Variants in NCK2 observed in about 807,000 individuals in gnomAD.
NCK2 encodes the protein NCK adaptor protein 2, also known as cytoplasmic protein NCK2.
NCK2 carries 16 observed loss-of-function variants against 33.9 expected under a neutral mutation model. The observed-to-expected ratio is 0.47, with a 90% CI of 0.32 to 0.72. NCK2 has a LOEUF of 0.72. NCK2 is among the 30% of genes least tolerant of loss of function. NCK2 has a pLI of 0.03. For missense variants in NCK2, 418 were observed against 537.3 expected, an observed-to-expected ratio of 0.78 and a Z score of 2.19; for synonymous variants, 273 against 239.9, an observed-to-expected ratio of 1.14 and a Z score of -1.27.
In NCK2 at chr2:105,881,470, G is replaced by A. The variant is rs1313763998; in HGVS notation, c.369G>A (p.Val123=). 6.2e-7 allele frequency: 1 copy of A among 1,613,808 alleles called. No individual in the cohort carries two copies. Among genetic ancestry groups the A allele is most frequent in the Admixed American group, 1.7e-5 (1 of 60,014 alleles). ...NIPAFVKFAY[V]AEREDELSLV... Reference sequence around the variant, plus strand: ...CGGCCTTCGTCAAGTTCGCCTATGTGGCCGAGCGGGAGGATGAGTTGTCCC... The same window carrying A: ...CGGCCTTCGTCAAGTTCGCCTATGTAGCCGAGCGGGAGGATGAGTTGTCCC... The change falls in exon 4 of 5, where the codon GTG becomes GTA. Residue 123 remains valine (V), a synonymous_variant. Transcript: ENST00000233154.
chr2:105,835,409 G>GTGTATATATATATATATA (rs56250020), intron 2 of NCK2, among the ~76,000 whole-genome samples: 4 of 59,302 alleles, frequency 6.7e-5, no homozygotes, highest in Non-Finnish European at 1.3e-4. Flanking sequence ...ATATATACGT[G>GTGTATATATATATATATA]TATATATATA....
chr2:105,774,501 C>A (rs1403389663), intron 1 of NCK2, among the ~76,000 whole-genome samples: 1 of 152,030 alleles, frequency 6.6e-6, no homozygotes, highest in African/African-American at 2.4e-5. Context: ...TGAATGGACC[C>A]CTTGGGCCCT....
intron 1 of NCK2, among the ~76,000 whole-genome samples, chr2:105,771,063 C>T (rs1228853885): frequency 2.6e-5 from 4 of 152,030 alleles, no homozygotes; most frequent in Non-Finnish European, 5.9e-5. Context: ...GCTGGGACTA[C>T]AGGCGCCCGC....
At chr2:105,842,816 G>A (rs539753887) in intron 2 of NCK2, among the ~76,000 whole-genome samples, 4 of 152,038 alleles carry the variant, frequency 2.6e-5, no homozygotes, top group South Asian at 2.1e-4. Flanking sequence ...AGGAGAGGGC[G>A]GCTGTGGTTT....
At chr2:105,829,294 T>TC (rs1323403888) in intron 2 of NCK2, among the ~76,000 whole-genome samples, 1 of 152,094 alleles carries the variant, frequency 6.6e-6, no homozygotes, top group African/African-American at 2.4e-5. Context: ...CATTGCCTTT[T>TC]CCCCCAGAAG....
chr2:105,788,383 T>C (rs774677974), intron 1 of NCK2, among the ~76,000 whole-genome samples: 2 of 152,180 alleles, frequency 1.3e-5, no homozygotes, highest in South Asian at 2.1e-4. Context: ...TAGATGATGA[T>C]GTTTCAGTCT....
chr2:105,813,008 C>A (rs1675348286), intron 1 of NCK2, among the ~76,000 whole-genome samples: 1 of 152,192 alleles, frequency 6.6e-6, no homozygotes, highest in South Asian at 2.1e-4. Context: ...ATGCGATTTG[C>A]AGAATGCGAC....
At chr2:105,757,436 G>A (rs931102778) in intron 1 of NCK2, among the ~76,000 whole-genome samples, 1 of 152,170 alleles carries the variant, frequency 6.6e-6, no homozygotes, top group African/African-American at 2.4e-5. Flanking sequence ...TTCTCTGAGT[G>A]TAGTTAGGAG....
chr2:105,889,213 C>T (rs1160844273), intron 4 of NCK2, among the ~76,000 whole-genome samples: 3 of 152,204 alleles, frequency 2.0e-5, no homozygotes, highest in African/African-American at 4.8e-5. Flanking sequence ...GGAGACCATA[C>T]AGCAGTGTCC....
chr2:105,769,226 C>G (rs1346119981), intron 1 of NCK2, among the ~76,000 whole-genome samples: 1 of 152,076 alleles, frequency 6.6e-6, no homozygotes, highest in African/African-American at 2.4e-5. Context: ...GACCAGAGAT[C>G]TTTTTTATTA....
At chr2:105,884,410 A>G (rs1315984140) in intron 4 of NCK2, among the ~76,000 whole-genome samples, 1 of 152,158 alleles carries the variant, frequency 6.6e-6, no homozygotes, top group Non-Finnish European at 1.5e-5. Flanking sequence ...TGAGGGGTTC[A>G]GCCTCCCTGC....
intron 4 of NCK2, among the ~76,000 whole-genome samples, chr2:105,892,127 T>C (rs1294481307): frequency 6.6e-6 from 1 of 151,598 alleles, no homozygotes; most frequent in East Asian, 1.9e-4. Flanking sequence ...CAGGTTGCAG[T>C]GAGCCAAGAT....
intron 1 of NCK2, among the ~76,000 whole-genome samples, chr2:105,781,480 G>A (rs373771333): frequency 1.1e-4 from 16 of 152,268 alleles, no homozygotes; most frequent in African/African-American, 3.6e-4. Flanking sequence ...GTCCATGTAC[G>A]TCTGTTTCGT....
chr2:105,766,914 T>G (rs1464829206), intron 1 of NCK2, among the ~76,000 whole-genome samples: 5 of 152,238 alleles, frequency 3.3e-5, no homozygotes, highest in Non-Finnish European at 5.9e-5. Flanking sequence ...TGGCTCCGTC[T>G]TCCTGCTGCC....
At position 105,836,563 on chromosome 2, in the gene NCK2, C is replaced by T. The variant is rs73946596; in HGVS notation, c.-16-18485C>T. Among the ~76,000 whole-genome samples the T allele has an allele frequency of 6.0e-3, 911 of 152,306 alleles. 12 individuals carry two copies. Among genetic ancestry groups the T allele is most frequent in the African/African-American group, 0.02 (818 of 41,558 alleles). ...TGTTGGTGGAGGTAGTAGCAGGCCC[C>T]ATGCAGTCAGCTTTCAGGCTCTGGG... is the stretch of plus-strand genomic sequence containing the variant. On this transcript the variant is annotated intron_variant, in intron 2 of 4. Transcript: ENST00000233154.
At chr2:105,815,317 T>A (rs1426585500) in intron 1 of NCK2, among the ~76,000 whole-genome samples, 1 of 152,224 alleles carries the variant, frequency 6.6e-6, no homozygotes, top group Non-Finnish European at 1.5e-5. Context: ...TATAACATTT[T>A]TATGATAGCC....
intron 2 of NCK2, among the ~76,000 whole-genome samples, chr2:105,822,676 A>T (rs1675789523): frequency 6.6e-6 from 1 of 152,040 alleles, no homozygotes; most frequent in South Asian, 2.1e-4. Context: ...AAAAACAAAA[A>T]AGCCAATTCT....
intron 3 of NCK2, among the ~76,000 whole-genome samples, chr2:105,872,160 C>T (rs1012080764): frequency 1.3e-5 from 2 of 152,312 alleles, no homozygotes; most frequent in Admixed American, 6.5e-5. Flanking sequence ...TTGCTCGACA[C>T]GTTTCTGCCA....
At chr2:105,857,714 C>G (rs181103607) in intron 3 of NCK2, among the ~76,000 whole-genome samples, 2 of 152,206 alleles carry the variant, frequency 1.3e-5, no homozygotes, top group Non-Finnish European at 2.9e-5. Context: ...GGATCAGTAT[C>G]CCCGTCATGA....
Sources: allele counts gnomAD v4.1 joint callset (sites outside exome capture counted in the v4.1 genomes callset), GRCh38; gene constraint gnomAD v4.1.1; transcripts MANE v1.5; gene names NCBI Gene and HGNC (gene_info 2026-07-23, HGNC 2026-07-21).